TFDP2: variants seen among roughly 807,000 people sequenced by gnomAD.
TFDP2 encodes the protein transcription factor Dp-2.
Under a neutral mutation model 59.3 loss-of-function variants are expected in TFDP2, and 17 were observed. The ratio of observed to expected loss-of-function variants is 0.29; its 90% CI spans 0.20 to 0.43. The LOEUF is 0.43. Among genes scored for constraint, TFDP2 ranks in the 20% least tolerant of loss-of-function variants. TFDP2 has a pLI of 1.00. For missense variants in TFDP2, 391 were observed against 528.8 expected (o/e 0.74, Z 2.56); for synonymous variants, 180 against 194.7 (o/e 0.92, Z 0.63).
rs1051327564 is a variant in TFDP2, at chr3:142,000,313, G to A, written c.186+5128C>T. 3 of 702,766 alleles carry A rather than the reference G, an allele frequency of 4.3e-6. No homozygotes were observed. The Admixed American group carries it at 6.0e-5, about 14-fold the overall frequency. 43.5% of individuals were successfully genotyped at this position (702,766 alleles called of 1,614,324 possible). A position where few individuals can be genotyped will look rare whatever the true frequency, so the allele number is the denominator to read the frequency against. On this transcript the variant is annotated intron_variant, in intron 4 of 12. Transcript: ENST00000489671. ...GCCGGCAGATTCAGTGCCTGGTGAG[G>A]GTTTATTCTCTGCTTCAAAGATGAT...
intron 3 of TFDP2, among the ~76,000 whole-genome samples, chr3:142,044,479 C>A (rs112477423): frequency 6.6e-6 from 1 of 152,118 alleles, no homozygotes; most frequent in African/African-American, 2.4e-5. Context: ...CATGATCTGC[C>A]CATCTCGGCT....
chr3:142,071,846 C>A (rs1247699360), intron 3 of TFDP2, among the ~76,000 whole-genome samples: 1 of 152,170 alleles, frequency 6.6e-6, no homozygotes, highest in Non-Finnish European at 1.5e-5. Context: ...TACTTTAATT[C>A]TGGACAGACT....
intron 1 of TFDP2, among the ~76,000 whole-genome samples, chr3:142,145,236 A>G (rs949225236): frequency 6.6e-6 from 1 of 152,216 alleles, no homozygotes; most frequent in Non-Finnish European, 1.5e-5. Flanking sequence ...TATTGCTCCA[A>G]ATAAAATTCC....
chr3:142,007,612 T>C (rs1282065989), intron 3 of TFDP2, among the ~76,000 whole-genome samples: 1 of 152,208 alleles, frequency 6.6e-6, no homozygotes, highest in African/African-American at 2.4e-5. Flanking sequence ...CACTGTAGTA[T>C]ATAATGAATT....
intron 3 of TFDP2, among the ~76,000 whole-genome samples, chr3:142,018,295 T>A (rs755345682): frequency 6.6e-6 from 1 of 152,120 alleles, no homozygotes; most frequent in Non-Finnish European, 1.5e-5. Flanking sequence ...GCTCCAGCAG[T>A]CTATTTATTG....
chr3:141,963,696 A>ATTCC, intron 10 of TFDP2, 116 bp downstream of exon 10: 2 of 1,261,226 alleles, frequency 1.6e-6, no homozygotes, highest in Non-Finnish European at 2.2e-6. Flanking sequence ...ATGTGCCCCA[A>ATTCC]GGAAGCCAGC....
intron 1 of TFDP2, among the ~76,000 whole-genome samples, chr3:142,106,968 T>C (rs1560150447): frequency 6.6e-6 from 1 of 152,192 alleles, no homozygotes; most frequent in Non-Finnish European, 1.5e-5. Context: ...GTAGACTTTC[T>C]AACACTGCCA....
chr3:142,061,900 A>T (rs1327057127), intron 3 of TFDP2, among the ~76,000 whole-genome samples: 129 of 104,304 alleles, frequency 1.2e-3, no homozygotes, highest in Non-Finnish European at 1.7e-3. Context: ...ACACACACAC[A>T]CACACACACA....
chr3:142,045,276 C>G (rs1360235176), intron 3 of TFDP2, among the ~76,000 whole-genome samples: 2 of 151,816 alleles, frequency 1.3e-5, no homozygotes, highest in Non-Finnish European at 2.9e-5. Context: ...TCTCCTGCCT[C>G]AGCCTCCCCA....
At chr3:142,039,675 T>A (rs1250130410) in intron 3 of TFDP2, among the ~76,000 whole-genome samples, 1 of 152,138 alleles carries the variant, frequency 6.6e-6, no homozygotes, top group Non-Finnish European at 1.5e-5. Flanking sequence ...AGGGACTGCC[T>A]AAAGCTAAGG....
At chr3:141,997,567 G>A (rs1943382145) in intron 4 of TFDP2, among the ~76,000 whole-genome samples, 1 of 151,842 alleles carries the variant, frequency 6.6e-6, no homozygotes, top group Non-Finnish European at 1.5e-5. Flanking sequence ...AAAAAAAAAG[G>A]AGCTGGGCAT....
At chr3:142,083,943 G>A (rs113552909) in intron 3 of TFDP2, among the ~76,000 whole-genome samples, 32 of 152,202 alleles carry the variant, frequency 2.1e-4, no homozygotes, top group African/African-American at 7.0e-4. Context: ...CATTGGTCTG[G>A]GCAAGAATTT....
chr3:142,146,680 T>C (rs1046144629), intron 1 of TFDP2, among the ~76,000 whole-genome samples: 4 of 152,236 alleles, frequency 2.6e-5, no homozygotes, highest in African/African-American at 9.6e-5. Context: ...TACTAGTTAA[T>C]ACCTAATTTG....
At chr3:142,027,680 G>A (rs1018252301) in intron 3 of TFDP2, among the ~76,000 whole-genome samples, 11 of 152,136 alleles carry the variant, frequency 7.2e-5, no homozygotes, top group Non-Finnish European at 1.2e-4. Context: ...GTGTCTAATA[G>A]AATATACGTT....
intron 3 of TFDP2, among the ~76,000 whole-genome samples, chr3:142,082,756 T>C (rs1323275391): frequency 6.6e-6 from 1 of 152,064 alleles, no homozygotes; most frequent in Admixed American, 6.6e-5. Flanking sequence ...TTCAATGAAA[T>C]GAAAGACAAA....
At chr3:142,060,607 T>C (rs778927932) in intron 3 of TFDP2, among the ~76,000 whole-genome samples, 133 of 152,262 alleles carry the variant, frequency 8.7e-4, no homozygotes, top group Non-Finnish European at 7.6e-4. Context: ...TACTTAAATA[T>C]ATAAAAATGT....
At chr3:142,140,032 T>C (rs1297960114) in intron 1 of TFDP2, among the ~76,000 whole-genome samples, 1 of 152,236 alleles carries the variant, frequency 6.6e-6, no homozygotes, top group Admixed American at 6.5e-5. Flanking sequence ...TCTTTTCACA[T>C]AGTCCCATAT....
chr3:141,995,097 C>G lies in TFDP2; in HGVS notation c.231G>C (p.Leu77=). 2 of 1,610,812 alleles carry G rather than the reference C, an allele frequency of 1.2e-6. No individual in the cohort carries two copies. Among genetic ancestry groups the G allele is most frequent in the Non-Finnish European group, 1.7e-6 (2 of 1,178,252 alleles). ...GTGCAGGGGTATATGGACTCCCAAT[C>G]AGAACACTTCCTGAACTGGTTAGTC... ...PQRLTSSGSV[L]IGSPYTPAPA... is the part of the protein sequence containing the mutation. The change falls in exon 5 of 13, where the codon CTG becomes CTC. Residue 77 remains leucine, a synonymous_variant. Transcript: ENST00000489671.
At chr3:141,992,218 G>T (rs183010253) in intron 6 of TFDP2, among the ~76,000 whole-genome samples, 1 of 151,916 alleles carries the variant, frequency 6.6e-6, no homozygotes, top group East Asian at 1.9e-4. Flanking sequence ...ACAGACGGGT[G>T]GTGGGGATAC....
Sources: gnomAD v4.1 joint callset for allele counts (sites outside exome capture counted in the v4.1 genomes callset) on GRCh38, gnomAD v4.1.1 for gene constraint, MANE v1.5 for transcripts, NCBI Gene and HGNC (gene_info 2026-07-23, HGNC 2026-07-21) for gene names.